Variants in DDX19A observed in about 807,000 individuals in gnomAD.
The protein encoded by DDX19A is DEAD-box helicase 19A.
DDX19A carries 12 observed loss-of-function variants against 60.6 expected under a neutral mutation model. That is an observed-to-expected ratio of 0.20 (90% CI 0.13 to 0.32). The LOEUF is 0.32. DDX19A is among the 10% of genes least tolerant of loss of function. DDX19A has a pLI of 1.00. For missense variants in DDX19A, 337 were observed against 600.6 expected (o/e 0.56, Z 4.59); for synonymous variants, 206 against 218.2 (o/e 0.94, Z 0.49).
intron 7 of DDX19A, 180 bp downstream of exon 7, chr16:70,365,311 A>C (rs1964487710): frequency 1.4e-5 from 6 of 439,516 alleles, no homozygotes; most frequent in Non-Finnish European, 2.0e-5. Flanking sequence ...TTTCAGTCTT[A>C]AAATAAGATT....
At chr16:70,356,290 T>G (rs984584481) in intron 4 of DDX19A, 43 bp downstream of exon 4, 14 of 1,610,040 alleles carry the variant, frequency 8.7e-6, no homozygotes, top group Non-Finnish European at 1.1e-5. Context: ...TGCCAGTCTC[T>G]CCCCACATAA....
intron 1 of DDX19A, among the ~76,000 whole-genome samples, chr16:70,349,653 G>T (rs1219709229): frequency 2.0e-5 from 3 of 152,156 alleles, no homozygotes; most frequent in Non-Finnish European, 2.9e-5. Context: ...TTTCCACAAA[G>T]AAATTACAAA....
At chr16:70,358,633 C>T (rs1438005550) in intron 4 of DDX19A, among the ~76,000 whole-genome samples, 1 of 152,052 alleles carries the variant, frequency 6.6e-6, no homozygotes, top group Admixed American at 6.6e-5. Flanking sequence ...TGTCTGAGGT[C>T]AGGAGTTCGA....
chr16:70,357,787 CTTA>C (rs1964257214), intron 4 of DDX19A, among the ~76,000 whole-genome samples: 1 of 152,064 alleles, frequency 6.6e-6, no homozygotes, highest in Non-Finnish European at 1.5e-5. Flanking sequence ...ACAAGACCTA[CTTA>C]TTATTCTTGC....
At chr16:70,352,449 T>TA (rs1410935829) in intron 2 of DDX19A, among the ~76,000 whole-genome samples, 1 of 151,756 alleles carries the variant, frequency 6.6e-6, no homozygotes, top group Admixed American at 6.6e-5. Context: ...CATGCCCAGC[T>TA]AATTTTTGTA....
intron 2 of DDX19A, among the ~76,000 whole-genome samples, chr16:70,352,632 C>G (rs1323186270): frequency 7.9e-6 from 1 of 126,722 alleles, no homozygotes; most frequent in Non-Finnish European, 1.6e-5. Flanking sequence ...CGATCTACCA[C>G]GATTTTTTTT....
intron 5 of DDX19A, 50 bp downstream of exon 5, chr16:70,361,560 TC>T: frequency 1.3e-6 from 2 of 1,483,456 alleles, no homozygotes. Flanking sequence ...AGATCAATCT[TC>T]CCCAAACTGC....
chr16:70,371,912 A>G lies in DDX19A; in HGVS notation c.1376-13A>G, dbSNP rs759331195. ...TCCTGGGCAGGGTAGAGACTTGTGT[A>G]TCTTTCCCCCAGATAAGAAGATAGA... On this transcript the variant is annotated splice_polypyrimidine_tract_variant and intron_variant, in intron 11 of 11. Coordinates refer to ENST00000302243, the MANE Select transcript of DDX19A (RefSeq NM_018332.5). 6.2e-7 allele frequency: 1 copy of G among 1,613,974 alleles called. No individual in the cohort carries two copies. The highest frequency in any genetic ancestry group is 1.1e-5 in the South Asian group (1 of 91,078).
Position 70,372,264 on chromosome 16 carries a change from C to T in DDX19A, c.*278C>T, listed in dbSNP as rs1373209313. The T allele has an allele frequency of 7.6e-6, 4 of 528,988 alleles. No homozygotes were observed. Among genetic ancestry groups the T allele is most frequent in the African/African-American group, 1.9e-5 (1 of 52,156 alleles). 32.8% of individuals were successfully genotyped at this position (528,988 alleles called of 1,614,324 possible). A position where few individuals can be genotyped will look rare whatever the true frequency, so the allele number is the denominator to read the frequency against. On this transcript the variant is annotated 3_prime_UTR_variant, in exon 12 of 12. Transcript: ENST00000302243. ...ATAATAATCTGGTCACAGTGGTAGT[C>T]GCTGGCCCCAGGACCCCCTCCTGAT...
intron 10 of DDX19A, 97 bp downstream of exon 10, chr16:70,370,482 C>G: frequency 6.7e-7 from 1 of 1,489,856 alleles, no homozygotes; most frequent in Non-Finnish European, 9.0e-7. Flanking sequence ...CGGATGGTCT[C>G]AGGGAGATGG....
chr16:70,356,745 C>A, intron 4 of DDX19A: 1 of 419,924 alleles, frequency 2.4e-6, no homozygotes, highest in Non-Finnish European at 3.8e-6. Context: ...ATTAATCTCC[C>A]ACCCTTGTGT....
chr16:70,371,901 G>T, intron 11 of DDX19A, 24 bp from the exon 12 acceptor site: 1 of 1,614,000 alleles, frequency 6.2e-7, no homozygotes, highest in South Asian at 1.1e-5. Flanking sequence ...GGGCAGGGTA[G>T]AGACTTGTGT....
At chr16:70,366,883 A>G in intron 9 of DDX19A, 22 bp downstream of exon 9, 1 of 1,613,754 alleles carries the variant, frequency 6.2e-7, no homozygotes, top group East Asian at 2.2e-5. Context: ...CGGCAGTGGC[A>G]GGCCTGGCCC....
intron 9 of DDX19A, among the ~76,000 whole-genome samples, chr16:70,368,359 G>A (rs1165750003): frequency 3.3e-5 from 5 of 151,444 alleles, no homozygotes; most frequent in Non-Finnish European, 7.4e-5. Context: ...TGCAACCTCC[G>A]CCTCCTGGGT....
chr16:70,356,748 C>A, intron 4 of DDX19A: 1 of 444,086 alleles, frequency 2.3e-6, no homozygotes, highest in Non-Finnish European at 3.5e-6. Flanking sequence ...AATCTCCCAC[C>A]CTTGTGTCCT....
In DDX19A at chr16:70,372,775, C is replaced by A. The variant is rs371922008; in HGVS notation, c.*789C>A. The A allele has an allele frequency of 6.6e-6, 1 of 152,270 alleles. No homozygotes were observed. Among genetic ancestry groups the A allele is most frequent in the Non-Finnish European group, 1.5e-5 (1 of 68,136 alleles). 9.4% of individuals were successfully genotyped at this position (152,270 alleles called of 1,614,324 possible). A position where few individuals can be genotyped will look rare whatever the true frequency, so the allele number is the denominator to read the frequency against. On this transcript the variant is annotated 3_prime_UTR_variant, in exon 12 of 12. Coordinates refer to ENST00000302243, the MANE Select transcript of DDX19A (RefSeq NM_018332.5). ...CTCAGTCACGGCAGCCAGGAGACCC[C>A]AGGTGAGTTTCTGAGCGCATACGTA...
chr16:70,368,948 C>T (rs187639773), intron 9 of DDX19A, among the ~76,000 whole-genome samples: 1 of 152,124 alleles, frequency 6.6e-6, no homozygotes, highest in East Asian at 1.9e-4. Context: ...TTCACCACAA[C>T]CTCTGCCTCC....
intron 10 of DDX19A, chr16:70,370,853 G>A (rs966478953): frequency 6.9e-5 from 13 of 188,270 alleles, no homozygotes; most frequent in African/African-American, 2.1e-4. Flanking sequence ...AAAATTAGCC[G>A]GGCGTGGTGG....
chr16:70,349,326 A>G (rs1384914725), intron 1 of DDX19A, among the ~76,000 whole-genome samples: 2 of 152,194 alleles, frequency 1.3e-5, no homozygotes, highest in Non-Finnish European at 2.9e-5. Context: ...GGGCTGTCAT[A>G]TAGTCACCCT....
Sources: allele counts gnomAD v4.1 joint callset (sites outside exome capture counted in the v4.1 genomes callset), GRCh38; gene constraint gnomAD v4.1.1; transcripts MANE v1.5; gene names NCBI Gene and HGNC (gene_info 2026-07-23, HGNC 2026-07-21).